HECW1: variants seen among roughly 807,000 people sequenced by gnomAD.
HECW1 encodes E3 ubiquitin-protein ligase HECW1.
Under a neutral mutation model 182.3 loss-of-function variants are expected in HECW1, and 61 were observed. That is an observed-to-expected ratio of 0.33 (90% CI 0.27 to 0.41). The LOEUF is 0.41. HECW1 is among the 10% of genes least tolerant of loss of function. HECW1 has a pLI of 1.00. For missense variants in HECW1, 1,739 were observed against 2,108.9 expected, an observed-to-expected ratio of 0.82 and a Z score of 3.44; for synonymous variants, 859 against 832.6, an observed-to-expected ratio of 1.03 and a Z score of -0.55.
At chr7:43,353,846 GAAGA>G (rs1363872436) in intron 5 of HECW1, among the ~76,000 whole-genome samples, 1 of 152,090 alleles carries the variant, frequency 6.6e-6, no homozygotes, top group Non-Finnish European at 1.5e-5. Flanking sequence ...ACAAAGCAAG[GAAGA>G]AAGACCACCA....
chr7:43,128,071 G>A (rs1322919289), intron 2 of HECW1, among the ~76,000 whole-genome samples: 2 of 152,014 alleles, frequency 1.3e-5, no homozygotes, highest in Admixed American at 1.3e-4. Context: ...GTAGAGATGA[G>A]GTTTCACTAT....
chr7:43,273,819 T>G (rs74723586), intron 3 of HECW1, among the ~76,000 whole-genome samples: 1,552 of 152,152 alleles, frequency 0.01, 20 homozygotes, highest in African/African-American at 0.036. Context: ...AATTTCCCAT[T>G]TTCCCTTAAT....
chr7:43,124,396 C>T (rs967985212), intron 2 of HECW1, among the ~76,000 whole-genome samples: 5 of 152,204 alleles, frequency 3.3e-5, no homozygotes, highest in Non-Finnish European at 7.3e-5. Context: ...AGGCAATGAG[C>T]TCAGTGAGAT....
chr7:43,340,435 G>T (rs1812825603), intron 5 of HECW1, among the ~76,000 whole-genome samples: 1 of 150,712 alleles, frequency 6.6e-6, no homozygotes, highest in Non-Finnish European at 1.5e-5. Context: ...TGGCTAGGCT[G>T]GTCTCACACT....
intron 6 of HECW1, among the ~76,000 whole-genome samples, chr7:43,374,996 C>T (rs1264813304): frequency 6.6e-6 from 1 of 152,040 alleles, no homozygotes; most frequent in Admixed American, 6.6e-5. Flanking sequence ...ACACAGCAAG[C>T]TTCTGCAACT....
chr7:43,553,685 A>AG (rs1236276084), intron 28 of HECW1, among the ~76,000 whole-genome samples: 6 of 146,096 alleles, frequency 4.1e-5, no homozygotes, highest in African/African-American at 1.5e-4. Context: ...AAAAAAAAAA[A>AG]AAAGTCTCTG....
intron 5 of HECW1, among the ~76,000 whole-genome samples, chr7:43,330,388 G>A (rs994700674): frequency 3.3e-5 from 5 of 152,232 alleles, no homozygotes; most frequent in Non-Finnish European, 5.9e-5. Flanking sequence ...AGCCCTAGCT[G>A]CTGTCAATGG....
intron 5 of HECW1, among the ~76,000 whole-genome samples, chr7:43,342,866 A>G (rs556224778): frequency 9.3e-6 from 1 of 107,088 alleles, no homozygotes; most frequent in Admixed American, 1.2e-4. Context: ...TCTACTAAAG[A>G]TACAAAAAAA....
At chr7:43,185,482 C>T (rs886080807) in intron 2 of HECW1, among the ~76,000 whole-genome samples, 1 of 152,116 alleles carries the variant, frequency 6.6e-6, no homozygotes, top group African/African-American at 2.4e-5. Context: ...GGGACTGAGC[C>T]GTCAACCTGT....
chr7:43,366,626 G>T (rs1289721380), intron 6 of HECW1, among the ~76,000 whole-genome samples: 1 of 152,108 alleles, frequency 6.6e-6, no homozygotes, highest in East Asian at 1.9e-4. Context: ...ATAATAAATG[G>T]TCTTGAGCCC....
At chr7:43,129,960 C>A (rs1252037332) in intron 2 of HECW1, among the ~76,000 whole-genome samples, 1 of 152,156 alleles carries the variant, frequency 6.6e-6, no homozygotes, top group Admixed American at 6.5e-5. Flanking sequence ...TGTACATGTT[C>A]ATATAGATGC....
At chr7:43,374,373 C>A (rs1380567730) in intron 6 of HECW1, among the ~76,000 whole-genome samples, 1 of 152,060 alleles carries the variant, frequency 6.6e-6, no homozygotes, top group Non-Finnish European at 1.5e-5. Flanking sequence ...AACCTTTTGA[C>A]CAACAGTCAC....
intron 2 of HECW1, among the ~76,000 whole-genome samples, chr7:43,231,897 C>T (rs975416123): frequency 2.0e-5 from 3 of 151,756 alleles, no homozygotes; most frequent in Admixed American, 1.3e-4. Flanking sequence ...TGGCGGGCGC[C>T]TGTAGTCCCA....
At chr7:43,415,554 T>A (rs1232219552) in intron 8 of HECW1, among the ~76,000 whole-genome samples, 2 of 152,092 alleles carry the variant, frequency 1.3e-5, no homozygotes, top group African/African-American at 4.8e-5. Context: ...TCTCTGTATT[T>A]CCTGAATCTG....
intron 2 of HECW1, among the ~76,000 whole-genome samples, chr7:43,120,688 G>A (rs1030856783): frequency 6.6e-6 from 1 of 152,038 alleles, no homozygotes; most frequent in African/African-American, 2.4e-5. Context: ...CTGTAACCGA[G>A]GCTTGAGTGC....
intron 2 of HECW1, among the ~76,000 whole-genome samples, chr7:43,193,121 G>T (rs10261180): frequency 0.078 from 11,813 of 152,214 alleles, 664 homozygotes; most frequent in East Asian, 0.27. Flanking sequence ...TATGGCATTT[G>T]TAAACTGTCA....
chr7:43,407,325 A>G (rs554447001), intron 7 of HECW1, among the ~76,000 whole-genome samples: 1 of 152,136 alleles, frequency 6.6e-6, no homozygotes, highest in South Asian at 2.1e-4. Context: ...TCCACCTTGC[A>G]GAGGAATTTT....
chr7:43,319,656 T>A (rs2152779835), intron 4 of HECW1, among the ~76,000 whole-genome samples: 1 of 127,922 alleles, frequency 7.8e-6, no homozygotes, highest in Non-Finnish European at 1.6e-5. Flanking sequence ...GTAAACAGGC[T>A]GGATATGATC....
chr7:43,376,857 A>G (rs1379217204), intron 6 of HECW1, among the ~76,000 whole-genome samples: 1 of 149,134 alleles, frequency 6.7e-6, no homozygotes, highest in Non-Finnish European at 1.5e-5. Context: ...CAGAGCAAGG[A>G]CTCTGTCTCA....
Sources: allele counts gnomAD v4.1 joint callset (sites outside exome capture counted in the v4.1 genomes callset), GRCh38; gene constraint gnomAD v4.1.1; transcripts MANE v1.5; gene names NCBI Gene and HGNC (gene_info 2026-07-23, HGNC 2026-07-21).